Variants in PUM1 observed in about 807,000 individuals in gnomAD.
The protein encoded by PUM1 is pumilio homolog 1.
PUM1 carries 13 observed loss-of-function variants against 131.8 expected under a neutral mutation model. That is an observed-to-expected ratio of 0.10 (90% CI 0.06 to 0.16). The LOEUF is 0.16. Among genes scored for constraint, PUM1 ranks in the 10% least tolerant of loss-of-function variants. The probability of loss-of-function intolerance (pLI) is 1.00; values close to 1 mark genes in which losing one functional copy is unlikely to be tolerated. For synonymous variants in PUM1, 509 were observed against 556.5 expected, an observed-to-expected ratio of 0.91 and a Z score of 1.20; for missense variants, 961 against 1,512.4, an observed-to-expected ratio of 0.64 and a Z score of 6.05.
intron 7 of PUM1, among the ~76,000 whole-genome samples, chr1:30,985,544 C>T (rs754211771): frequency 6.7e-6 from 1 of 148,732 alleles, no homozygotes; most frequent in Non-Finnish European, 1.5e-5. Flanking sequence ...CCCAGTTACT[C>T]GGGAGGCTGA....
At chr1:31,039,583 C>T (rs78653635) in intron 2 of PUM1, among the ~76,000 whole-genome samples, 2,593 of 152,180 alleles carry the variant, frequency 0.017, 77 homozygotes, top group African/African-American at 0.058. Flanking sequence ...GATTCTATAA[C>T]GTAGGCTATA....
chr1:31,009,044 G>A (rs954873936), intron 3 of PUM1, among the ~76,000 whole-genome samples: 11 of 151,044 alleles, frequency 7.3e-5, no homozygotes, highest in East Asian at 2.0e-4. Context: ...TTGGCCGGGC[G>A]TGGTGGTGTG....
chr1:31,004,664 G>A (rs570721358), intron 5 of PUM1, among the ~76,000 whole-genome samples: 1 of 152,266 alleles, frequency 6.6e-6, no homozygotes, highest in Admixed American at 6.5e-5. Flanking sequence ...CTTTAGAATA[G>A]CTAGTACTTA....
intron 5 of PUM1, among the ~76,000 whole-genome samples, chr1:31,003,969 A>C (rs1642308116): frequency 6.6e-6 from 1 of 152,162 alleles, no homozygotes; most frequent in Non-Finnish European, 1.5e-5. Flanking sequence ...ATTTTCATTT[A>C]TCTTCATGCA....
At chr1:31,011,035 G>A (rs1418101606) in intron 3 of PUM1, among the ~76,000 whole-genome samples, 1 of 152,126 alleles carries the variant, frequency 6.6e-6, no homozygotes, top group Non-Finnish European at 1.5e-5. Flanking sequence ...GCACACCCCT[G>A]CAGTCCCAGC....
At chr1:30,984,797 C>T (rs889712792) in intron 7 of PUM1, among the ~76,000 whole-genome samples, 1 of 152,126 alleles carries the variant, frequency 6.6e-6, no homozygotes, top group African/African-American at 2.4e-5. Flanking sequence ...ATAGCTACTA[C>T]TATTATTACT....
chr1:30,964,393 T>C (rs930845536), intron 14 of PUM1, among the ~76,000 whole-genome samples: 7 of 152,170 alleles, frequency 4.6e-5, no homozygotes, highest in African/African-American at 1.7e-4. Flanking sequence ...TGTGTTTATA[T>C]TGTTTACATT....
At chr1:30,968,629 T>G in intron 10 of PUM1, 137 bp from the exon 11 acceptor site, 20 of 779,856 alleles carry the variant, frequency 2.6e-5, no homozygotes, top group Non-Finnish European at 3.7e-5. Context: ...TCACAGCTGT[T>G]AGCGTATAAA....
At chr1:30,989,090 A>G (rs150992403) in intron 7 of PUM1, among the ~76,000 whole-genome samples, 1 of 152,202 alleles carries the variant, frequency 6.6e-6, no homozygotes, top group Non-Finnish European at 1.5e-5. Flanking sequence ...CATTTCCTAT[A>G]GGCAACACAG....
At chr1:31,023,758 G>A (rs1432111925) in intron 3 of PUM1, among the ~76,000 whole-genome samples, 1 of 151,678 alleles carries the variant, frequency 6.6e-6, no homozygotes, top group Non-Finnish European at 1.5e-5. Context: ...GTGAAACCCC[G>A]TCTACTAAAA....
chr1:31,061,489 G>A (rs372394308), intron 1 of PUM1, among the ~76,000 whole-genome samples: 13 of 151,896 alleles, frequency 8.6e-5, no homozygotes, highest in East Asian at 1.9e-4. Flanking sequence ...GGTGGCACGC[G>A]CCTGTAATCC....
chr1:30,952,090 A>ATT, intron 16 of PUM1, 144 bp downstream of exon 16: 1 of 721,964 alleles, frequency 1.4e-6, no homozygotes, highest in Non-Finnish European at 2.3e-6. Flanking sequence ...ATGAATTGGA[A>ATT]AAACACTAAA....
chr1:31,037,866 G>A (rs1643664425), intron 2 of PUM1, among the ~76,000 whole-genome samples: 3 of 151,644 alleles, frequency 2.0e-5, no homozygotes, highest in Admixed American at 2.0e-4. Context: ...ACACAGTCAG[G>A]AGGTCAGCAG....
In PUM1 at chr1:30,933,653, T is replaced by A. The variant is rs115788758; in HGVS notation, c.3436-311A>T. On this transcript the variant is annotated intron_variant, in intron 21 of 21. Coordinates refer to ENST00000426105, the MANE Select transcript of PUM1 (RefSeq NM_001020658.2). Reference sequence around the variant, plus strand: ...CTCCCAGGACAACACATGGAGAAAGTGCATCCTAGCTGGGAAAATACACTG... The same window carrying A: ...CTCCCAGGACAACACATGGAGAAAGAGCATCCTAGCTGGGAAAATACACTG... Among the ~76,000 whole-genome samples, 924 of 152,194 alleles carry A rather than the reference T, an allele frequency of 6.1e-3. 9 individuals carry two copies. Among genetic ancestry groups the A allele is most frequent in the African/African-American group, 0.021 (859 of 41,526 alleles).
chr1:31,017,023 T>C (rs968415681), intron 3 of PUM1, among the ~76,000 whole-genome samples: 5 of 152,160 alleles, frequency 3.3e-5, no homozygotes, highest in Middle Eastern at 3.2e-3. Flanking sequence ...GATGAGGTAA[T>C]CTGATCTTCT....
At chr1:31,042,986 C>T (rs1643868600) in intron 2 of PUM1, among the ~76,000 whole-genome samples, 3 of 152,066 alleles carry the variant, frequency 2.0e-5, no homozygotes, top group African/African-American at 7.2e-5. Flanking sequence ...GCCTCATGTG[C>T]TGGGATTACA....
At chr1:30,950,085 G>A in intron 17 of PUM1, 42 bp downstream of exon 17, 1 of 1,593,992 alleles carries the variant, frequency 6.3e-7, no homozygotes, top group South Asian at 1.1e-5. Context: ...GTACCATGGA[G>A]AAACATCAAA....
intron 5 of PUM1, among the ~76,000 whole-genome samples, chr1:30,999,076 C>T (rs1464451861): frequency 5.3e-5 from 8 of 152,192 alleles, no homozygotes; most frequent in Non-Finnish European, 1.0e-4. Flanking sequence ...TGATGACTCA[C>T]TGCAGCCTTG....
At chr1:31,021,269 T>TC (rs1643016675) in intron 3 of PUM1, among the ~76,000 whole-genome samples, 1 of 152,226 alleles carries the variant, frequency 6.6e-6, no homozygotes, top group Non-Finnish European at 1.5e-5. Context: ...TGCTTTCAGT[T>TC]TTGTCTGTTC....
Sources: gnomAD v4.1 joint callset for allele counts (sites outside exome capture counted in the v4.1 genomes callset) on GRCh38, gnomAD v4.1.1 for gene constraint, MANE v1.5 for transcripts, NCBI Gene and HGNC (gene_info 2026-07-23, HGNC 2026-07-21) for gene names.